Variants in OR10J1 observed in about 807,000 individuals in gnomAD.
OR10J1 encodes the protein olfactory receptor family 10 subfamily J member 1, also known as olfactory receptor 10J1.
For missense variants in OR10J1, 474 were observed against 376.6 expected, an observed-to-expected ratio of 1.26 and a Z score of -2.14; for synonymous variants, 202 against 143.8, an observed-to-expected ratio of 1.40 and a Z score of -2.89.
chr1:159,414,843 A>T, the OR10J1 span, among the ~76,000 whole-genome samples: 1 of 152,010 alleles, frequency 6.6e-6, no homozygotes, highest in Admixed American at 6.6e-5. Flanking sequence ...GATATTAAGC[A>T]TTTTTTCATG....
At chr1:159,436,704 C>T (rs1237820993), upstream of OR10J1, among the ~76,000 whole-genome samples, 2 of 151,946 alleles carry the variant, frequency 1.3e-5, no homozygotes, top group Non-Finnish European at 2.9e-5. Context: ...CTTAAGACGC[C>T]ACTTGCTAAG....
the OR10J1 span, among the ~76,000 whole-genome samples, chr1:159,417,158 A>T: frequency 6.6e-6 from 1 of 151,904 alleles, no homozygotes; most frequent in African/African-American, 2.4e-5. Flanking sequence ...AAATCATTAG[A>T]TTGTTTATTT....
the OR10J1 span, chr1:159,432,755 C>A: frequency 2.5e-6 from 1 of 401,132 alleles, no homozygotes; most frequent in East Asian, 3.6e-5. Context: ...ATATCCGGCC[C>A]ATAATGAAGC....
At chr1:159,432,844 G>C in the OR10J1 span, 2 of 409,164 alleles carry the variant, frequency 4.9e-6, no homozygotes. Context: ...CCATGGTATT[G>C]ATCTTCATCT....
chr1:159,406,804 A>G, the OR10J1 span, among the ~76,000 whole-genome samples: 1 of 152,118 alleles, frequency 6.6e-6, no homozygotes, highest in South Asian at 2.1e-4. Context: ...TCTGGGTTTA[A>G]TCCATTCATT....
At chr1:159,436,915 T>C (rs1011222442), upstream of OR10J1, among the ~76,000 whole-genome samples, 1 of 152,222 alleles carries the variant, frequency 6.6e-6, no homozygotes, top group Non-Finnish European at 1.5e-5. Flanking sequence ...TGATTGTCTA[T>C]CACCTGCAAC....
chr1:159,422,318 G>T, the OR10J1 span, among the ~76,000 whole-genome samples: 7 of 152,136 alleles, frequency 4.6e-5, no homozygotes, highest in African/African-American at 1.7e-4. Context: ...ACTGCACTGT[G>T]GCCCTACTAC....
At chr1:159,410,311 G>A in the OR10J1 span, among the ~76,000 whole-genome samples, 1 of 152,114 alleles carries the variant, frequency 6.6e-6, no homozygotes, top group Non-Finnish European at 1.5e-5. Context: ...GAATTTGGCT[G>A]TGAATCCATC....
chr1:159,412,361 AAG>A, the OR10J1 span, among the ~76,000 whole-genome samples: 1 of 151,556 alleles, frequency 6.6e-6, no homozygotes, highest in African/African-American at 2.4e-5. Flanking sequence ...TGCAACCAAA[AAG>A]AGCCCGCATC....
the OR10J1 span, among the ~76,000 whole-genome samples, chr1:159,409,911 T>C: frequency 6.6e-6 from 1 of 151,854 alleles, no homozygotes; most frequent in Non-Finnish European, 1.5e-5. Flanking sequence ...GCATGAAGGG[T>C]TGTTGAATTT....
At chr1:159,419,071 T>G in the OR10J1 span, among the ~76,000 whole-genome samples, 1 of 152,222 alleles carries the variant, frequency 6.6e-6, no homozygotes, top group African/African-American at 2.4e-5. Flanking sequence ...TAACTTGCTT[T>G]TGATTATACA....
chr1:159,434,576 C>T (rs1385705962), upstream of OR10J1, among the ~76,000 whole-genome samples: 2 of 152,100 alleles, frequency 1.3e-5, no homozygotes, highest in African/African-American at 4.8e-5. Context: ...AACCAATGAC[C>T]TTGAGTAGGA....
At chr1:159,430,696 A>G in the OR10J1 span, among the ~76,000 whole-genome samples, 1 of 126,390 alleles carries the variant, frequency 7.9e-6, no homozygotes, top group Non-Finnish European at 1.8e-5. Context: ...TGGGTGGCCA[A>G]GCATACAAAT....
At chr1:159,430,655 G>GTGTGTGTA in the OR10J1 span, among the ~76,000 whole-genome samples, 1 of 77,926 alleles carries the variant, frequency 1.3e-5, no homozygotes, top group African/African-American at 3.4e-5. Context: ...GTGTGTGTGT[G>GTGTGTGTA]TGTGTGTGTG....
the OR10J1 span, among the ~76,000 whole-genome samples, chr1:159,401,067 C>A: frequency 5.1e-3 from 768 of 151,262 alleles, 6 homozygotes; most frequent in African/African-American, 0.017. Context: ...AATAATGGAA[C>A]CACAACATAC....
the OR10J1 span, among the ~76,000 whole-genome samples, chr1:159,403,649 C>T: frequency 6.6e-6 from 1 of 152,172 alleles, no homozygotes; most frequent in African/African-American, 2.4e-5. Flanking sequence ...AAAGGGAACA[C>T]TTGCACACAG....
chr1:159,407,204 T>C, the OR10J1 span, among the ~76,000 whole-genome samples: 1 of 152,118 alleles, frequency 6.6e-6, no homozygotes, highest in Non-Finnish European at 1.5e-5. Context: ...AAAGAATGTA[T>C]CAAAATGCAA....
upstream of OR10J1, among the ~76,000 whole-genome samples, chr1:159,436,973 G>C (rs1655753969): frequency 6.6e-6 from 1 of 152,136 alleles, no homozygotes; most frequent in Non-Finnish European, 1.5e-5. Flanking sequence ...ATCCATTTCT[G>C]TATTTCCAGC....
the OR10J1 span, among the ~76,000 whole-genome samples, chr1:159,404,568 C>G: frequency 6.6e-6 from 1 of 152,076 alleles, no homozygotes; most frequent in African/African-American, 2.4e-5. Context: ...ACAGAAATGT[C>G]TAGAGAAGAT....
Sources: gnomAD v4.1 joint callset for allele counts (sites outside exome capture counted in the v4.1 genomes callset) on GRCh38, gnomAD v4.1.1 for gene constraint, MANE v1.5 for transcripts, NCBI Gene and HGNC (gene_info 2026-07-23, HGNC 2026-07-21) for gene names.